Variants in ANKHD1 observed in about 807,000 individuals in gnomAD.
ANKHD1 encodes ankyrin repeat and KH domain-containing protein 1.
A neutral mutation model predicts 230.5 loss-of-function variants in ANKHD1; 31 were observed. That is an observed-to-expected ratio of 0.13 (90% CI 0.10 to 0.18). ANKHD1 has a LOEUF of 0.18. ANKHD1 is among the 10% of genes least tolerant of loss of function. The pLI, the probability that ANKHD1 is intolerant of heterozygous loss-of-function variation, is 1.00. For synonymous variants in ANKHD1, 1,074 were observed against 1,117.6 expected, an observed-to-expected ratio of 0.96 and a Z score of 0.78; for missense variants, 2,256 against 3,071.3, an observed-to-expected ratio of 0.73 and a Z score of 6.27.
intron 1 of ANKHD1, among the ~76,000 whole-genome samples, chr5:140,419,373 T>C (rs1473153295): frequency 2.0e-5 from 3 of 151,978 alleles, no homozygotes; most frequent in Non-Finnish European, 4.4e-5. Context: ...GGAAAAAAAT[T>C]CTGGATGCTA....
intron 1 of ANKHD1, among the ~76,000 whole-genome samples, chr5:140,412,383 C>A (rs1771009556): frequency 6.6e-6 from 1 of 152,188 alleles, no homozygotes; most frequent in African/African-American, 2.4e-5. Context: ...GTCTCAAACT[C>A]CTGAGCTCAA....
At chr5:140,446,050 T>TTTACTTTATA in intron 6 of ANKHD1, 75 bp downstream of exon 6, 1 of 1,360,726 alleles carries the variant, frequency 7.3e-7, no homozygotes, top group Non-Finnish European at 9.6e-7. Context: ...AGTATTTGAG[T>TTTACTTTATA]TTACTTTATA....
rs139276925 is a variant in ANKHD1 at position 140,476,206 on chromosome 5, A to G, written c.1783-6374A>G. On this transcript the variant is annotated intron_variant, in intron 10 of 33. Coordinates refer to ENST00000360839, the MANE Select transcript of ANKHD1 (RefSeq NM_017747.3). ...ATATATAATGAAATATAGTAAAGAG[A>G]TAGAAAATATGAAAAAGAAATTGAG... 3.7e-3 allele frequency among the ~76,000 whole-genome samples: 557 copies of G among 152,186 alleles called. 6 individuals are homozygous for G. Among genetic ancestry groups the G allele is most frequent in the African/African-American group, 0.013 (543 of 41,556 alleles).
Position 140,535,442 on chromosome 5 carries a change from A to G in ANKHD1, c.6931A>G (p.Thr2311Ala). The G allele has an allele frequency of 6.2e-7, 1 of 1,613,866 alleles. No individual in the cohort carries two copies. The highest frequency in any genetic ancestry group is 8.5e-7 in the Non-Finnish European group (1 of 1,179,900). The change falls in exon 30 of 34, where the codon ACA becomes GCA. Residue 2311 changes from threonine (T) to alanine (A), a missense_variant. Transcript: ENST00000360839. ...PLASFSGIPG[T>A]RVFLQGPAPV... is the part of the protein sequence containing the mutation. Reference sequence around the variant, plus strand: ...GGCAAGTTTTTCCGGCATACCAGGAACAAGGGTTTTCCTGCAAGGGCCAGC... The same window carrying G: ...GGCAAGTTTTTCCGGCATACCAGGAGCAAGGGTTTTCCTGCAAGGGCCAGC...
chr5:140,476,864 TAGC>T (rs529200619), intron 10 of ANKHD1, among the ~76,000 whole-genome samples: 23 of 151,720 alleles, frequency 1.5e-4, no homozygotes, highest in Non-Finnish European at 3.1e-4. Context: ...TAGAAAACAA[TAGC>T]AGGAAATCAG....
intron 5 of ANKHD1, among the ~76,000 whole-genome samples, chr5:140,444,710 G>T (rs982031207): frequency 1.8e-4 from 27 of 152,056 alleles, no homozygotes; most frequent in African/African-American, 6.3e-4. Flanking sequence ...AAATTCACTT[G>T]ATTTAAGTAT....
At chr5:140,439,814 G>T (rs1773723406) in intron 3 of ANKHD1, among the ~76,000 whole-genome samples, 1 of 152,134 alleles carries the variant, frequency 6.6e-6, no homozygotes, top group Admixed American at 6.6e-5. Flanking sequence ...CTGGGCCGTG[G>T]GTTGGACATG....
chr5:140,444,799 A>C (rs538473416), intron 5 of ANKHD1, among the ~76,000 whole-genome samples: 1 of 152,192 alleles, frequency 6.6e-6, no homozygotes, highest in African/African-American at 2.4e-5. Context: ...AAAGATCTCT[A>C]TGCCCATTTG....
intron 14 of ANKHD1, among the ~76,000 whole-genome samples, chr5:140,491,135 T>TACAC (rs759585504): frequency 0.24 from 17,617 of 74,792 alleles, 3,052 homozygotes; most frequent in East Asian, 0.5. Flanking sequence ...TATATATATA[T>TACAC]ACACATATAT....
At position 140,520,349 on chromosome 5, in the gene ANKHD1, A is replaced by G. The variant is rs199908398; in HGVS notation, c.4318-3717A>G. Among the ~76,000 whole-genome samples the G allele has an allele frequency of 5.7e-4, 87 of 152,036 alleles. 1 individual carries two copies. The East Asian group carries it at 0.015, about 27-fold the overall frequency. On this transcript the variant is annotated intron_variant, in intron 24 of 33. Transcript: ENST00000360839. Reference sequence around the variant, plus strand: ...GTTGGTGGGACTCTAAACTAGTTCAACCATTGTGGAAGTCAGTGTGGCGAT... The same window carrying G: ...GTTGGTGGGACTCTAAACTAGTTCAGCCATTGTGGAAGTCAGTGTGGCGAT...
chr5:140,537,593 C>CAATT lies in ANKHD1; in HGVS notation c.7228+5_7228+8dup, dbSNP rs1754139439. Reference sequence around the variant, plus strand: ...TTTGGTGTCAATGCTGTGTCAGGTACAATTGCCTTGCTCTCTCTCTGGAGG... The same window carrying CAATT: ...TTTGGTGTCAATGCTGTGTCAGGTACAATTAATTGCCTTGCTCTCTCTCTGGAGG... On this transcript the variant is annotated splice_donor_region_variant and intron_variant, in intron 31 of 33. Coordinates refer to ENST00000360839, the MANE Select transcript of ANKHD1 (RefSeq NM_017747.3). 1 of 1,557,970 alleles carries CAATT rather than the reference C, an allele frequency of 6.4e-7. No homozygotes were observed. The highest frequency in any genetic ancestry group is 1.2e-5 in the South Asian group (1 of 81,308).
At chr5:140,429,296 A>G (rs949170942) in intron 1 of ANKHD1, among the ~76,000 whole-genome samples, 15 of 145,110 alleles carry the variant, frequency 1.0e-4, no homozygotes, top group African/African-American at 2.0e-4. Context: ...GTTTCACCAT[A>G]TTGGCCAGGC....
chr5:140,538,239 G>A lies in ANKHD1; in HGVS notation c.7382G>A (p.Ser2461Asn), dbSNP rs1162997125. The A allele has an allele frequency of 2.5e-6, 4 of 1,612,482 alleles. No homozygotes were observed. Among genetic ancestry groups the A allele is most frequent in the Middle Eastern group, 3.3e-4 (2 of 6,076 alleles). The change falls in exon 32 of 34, where the codon AGT (serine) becomes AAT (asparagine). Residue 2461 changes from serine to asparagine, a missense_variant. Transcript: ENST00000360839. The part of the protein sequence containing the change: ...PSNIFHQPMA[S>N]GFVDFSKGLP... ...AACATTTTTCATCAGCCTATGGCAA[G>A]TGGTTTTGTGGATTTTTCTAAAGTG...
intron 22 of ANKHD1, 123 bp from the exon 23 acceptor site, chr5:140,512,705 G>T (rs1749905052): frequency 1.9e-5 from 14 of 740,916 alleles, no homozygotes; most frequent in South Asian, 4.2e-5. Context: ...TCTTAAATTG[G>T]TAGGCATATA....
intron 14 of ANKHD1, among the ~76,000 whole-genome samples, chr5:140,491,263 A>G (rs1477986382): frequency 6.9e-6 from 1 of 145,172 alleles, no homozygotes; most frequent in Admixed American, 7.1e-5. Flanking sequence ...TCCGAGGTTC[A>G]AGCAATCCTC....
At chr5:140,496,461 C>CTTTTTTTTTTTTT (rs770445733) in intron 14 of ANKHD1, 59 bp from the exon 15 acceptor site, 2 of 484,880 alleles carry the variant, frequency 4.1e-6, no homozygotes, top group Non-Finnish European at 5.2e-6. Context: ...TTTTTCTTTT[C>CTTTTTTTTTTTTT]TTTTTTTTTT....
intron 10 of ANKHD1, among the ~76,000 whole-genome samples, chr5:140,474,630 T>G (rs1750866304): frequency 6.8e-6 from 1 of 147,396 alleles, no homozygotes; most frequent in South Asian, 2.2e-4. Flanking sequence ...ATGGTCTCAC[T>G]TTGTCGCTCA....
intron 13 of ANKHD1, chr5:140,486,014 G>GT (rs147701836): frequency 0.2 from 58,836 of 301,532 alleles, 7,081 homozygotes; most frequent in East Asian, 0.28. Context: ...GTTTTTCAGG[G>GT]TTTTTTATTT....
chr5:140,457,263 T>A (rs78971223), intron 7 of ANKHD1, among the ~76,000 whole-genome samples: 133,776 of 152,232 alleles, frequency 0.88, 58,979 homozygotes, highest in Middle Eastern at 0.96. Context: ...GTGGTACTGT[T>A]GACTAGTTCA....
Sources: allele counts gnomAD v4.1 joint callset (sites outside exome capture counted in the v4.1 genomes callset), GRCh38; gene constraint gnomAD v4.1.1; transcripts MANE v1.5; gene names NCBI Gene and HGNC (gene_info 2026-07-23, HGNC 2026-07-21).